The following GPR183 variants were observed in gnomAD, a reference collection of about 807,000 sequenced individuals.
GPR183 encodes the protein EBV-induced G-protein coupled receptor 2.
GPR183 carries 9 observed loss-of-function variants against 19.7 expected under a neutral mutation model. The observed-to-expected ratio is 0.46, with a 90% CI of 0.28 to 0.80. The LOEUF (loss-of-function observed/expected upper bound fraction) is 0.80. Ranked by LOEUF, GPR183 falls within the 30% of genes least tolerant of loss-of-function variation. The pLI is 0.13. For missense variants in GPR183, 368 were observed against 446.7 expected (o/e 0.82, Z 1.59); for synonymous variants, 160 against 155.1 (o/e 1.03, Z -0.24).
rs745900708 is a variant in GPR183, at chr13:99,295,841, G to C, written c.305C>G (p.Ala102Gly). The C allele has an allele frequency of 2.5e-6, 4 of 1,605,972 alleles. No homozygotes were observed. Among genetic ancestry groups the C allele is most frequent in the Non-Finnish European group, 3.4e-6 (4 of 1,174,728 alleles). Residue 102 changes from alanine (A) to glycine (G), a missense_variant, in exon 2 of 2, where the codon GCC becomes GGC. By Grantham distance (60) the Ala-to-Gly change is moderately conservative. Transcript: ENST00000376414. The surrounding 1 kb of genome is among the most constrained non-coding windows in gnomAD (Gnocchi z 4.1). Reference protein sequence around the residue: ...AMGFDWRIGDALCRITALVFY... With the variant: ...AMGFDWRIGDGLCRITALVFY... ...CACTAGCGCAGTTATCCTACACAAG[G>C]CATCTCCGATTCTCCAGTCAAAGCC...
rs759867511 is a variant in GPR183 at position 99,294,934 on chromosome 13, A to G, written c.*126T>C. 96 of 1,036,844 alleles carry G rather than the reference A, an allele frequency of 9.3e-5. No individual in the cohort carries two copies. Among genetic ancestry groups the G allele is most frequent in the Admixed American group, 1.7e-4 (6 of 35,932 alleles). 64.2% of individuals were successfully genotyped at this position (1,036,844 alleles called of 1,614,324 possible). On this transcript the variant is annotated 3_prime_UTR_variant, in exon 2 of 2. Coordinates refer to ENST00000376414, the MANE Select transcript of GPR183 (RefSeq NM_004951.5). ...CTTACTTCCGAGTTGGAGATGGGAA[A>G]GTGCCCAATGAAAGAAATATAAAAG...
At chr13:99,303,515 G>A (rs1018650895) in intron 1 of GPR183, among the ~76,000 whole-genome samples, 2 of 152,180 alleles carry the variant, frequency 1.3e-5, no homozygotes, top group East Asian at 3.9e-4. Context: ...GATGACATAT[G>A]TTTAGAGAAC....
Position 99,294,879 on chromosome 13 carries a change from A to C in GPR183, c.*181T>G. On this transcript the variant is annotated 3_prime_UTR_variant, in exon 2 of 2. Transcript: ENST00000376414. ...TTTATTTGCATTTTTATTGTGCTTT[A>C]TGTTGTTTGCTTTATGTTGTTCTCT... is the stretch of plus-strand genomic sequence containing the variant. 1 of 551,258 alleles carries C rather than the reference A, an allele frequency of 1.8e-6. No individual in the cohort carries two copies. Among genetic ancestry groups the C allele is most frequent in the Non-Finnish European group, 3.1e-6 (1 of 324,894 alleles). The allele number at this position is 551,258 out of a possible 1,614,324, so 34.1% of individuals were successfully genotyped here. A position where few individuals can be genotyped will look rare whatever the true frequency, so the allele number is the denominator to read the frequency against.
At chr13:99,300,412 T>C (rs1444256963) in intron 1 of GPR183, among the ~76,000 whole-genome samples, 7 of 152,274 alleles carry the variant, frequency 4.6e-5, no homozygotes, top group Non-Finnish European at 8.8e-5. Flanking sequence ...TTCTTGCTTA[T>C]ATTTATCCTG....
chr13:99,298,162 A>G (rs1158286486), intron 1 of GPR183, among the ~76,000 whole-genome samples: 2 of 152,196 alleles, frequency 1.3e-5, no homozygotes, highest in Admixed American at 1.3e-4. Flanking sequence ...CTAGATAGAA[A>G]AGAGATTAAA....
Sources: allele counts gnomAD v4.1 joint callset (sites outside exome capture counted in the v4.1 genomes callset), GRCh38; gene constraint gnomAD v4.1.1; non-coding constraint Gnocchi (gnomAD v3.1); transcripts MANE v1.5; gene names NCBI Gene and HGNC (gene_info 2026-07-23, HGNC 2026-07-21).